The following KCNT1 variants were observed in gnomAD, a reference collection of about 807,000 sequenced individuals.
KCNT1 encodes the protein potassium channel subfamily T member 1.
In KCNT1, 78 loss-of-function variants were observed where a neutral mutation model predicts 147.8. The ratio of observed to expected loss-of-function variants is 0.53; its 90% confidence interval spans 0.44 to 0.64. The LOEUF (loss-of-function observed/expected upper bound fraction) is 0.64. Among genes scored for constraint, KCNT1 ranks in the 30% least tolerant of loss-of-function variants. The probability of loss-of-function intolerance (pLI) is 0.00; values close to 1 mark genes in which losing one functional copy is unlikely to be tolerated. For missense variants in KCNT1, 1,419 were observed against 1,750.3 expected (o/e 0.81, Z 3.38); for synonymous variants, 867 against 748.8 (o/e 1.16, Z -2.58).
rs925148475 is a variant in KCNT1, at chr9:135,753,972, A to G, written c.470A>G (p.Asp157Gly). Residue 157 changes from aspartate to glycine, a missense_variant, in exon 5 of 31, where the codon GAC (aspartate) becomes GGC (glycine). By Grantham distance (94) the Asp-to-Gly change is moderately conservative. This residue lies in a region of KCNT1 where 401 missense variants were observed against 610.6 expected (regional missense o/e 0.66). Coordinates refer to ENST00000371757, the MANE Select transcript of KCNT1 (RefSeq NM_020822.3). The stretch of plus-strand genomic sequence containing the variant: ...CCAAAGCAGAACTACTCCTTCAATG[A>G]CTCGTCCTCCGAGATCAACTGGTGA... ...GCPKQNYSFN[D>G]SSSEINWAPI... 4 of 1,613,692 alleles carry G rather than the reference A, an allele frequency of 2.5e-6. No homozygotes were observed. Among genetic ancestry groups the G allele is most frequent in the Non-Finnish European group, 3.4e-6 (4 of 1,179,902 alleles).
At chr9:135,708,031 T>C (rs1003667983) in intron 1 of KCNT1, among the ~76,000 whole-genome samples, 2 of 152,198 alleles carry the variant, frequency 1.3e-5, no homozygotes, top group Non-Finnish European at 2.9e-5. Context: ...TTTTTAATCA[T>C]CGTGCAAAGG....
In KCNT1 at chr9:135,715,932, T is replaced by C. The variant is rs548879675; in HGVS notation, c.254+1212T>C. 2.2e-4 allele frequency among the ~76,000 whole-genome samples: 34 copies of C among 152,316 alleles called. No individual in the cohort carries two copies. The South Asian group carries it at 3.9e-3, about 18-fold the overall frequency. On this transcript the variant is annotated intron_variant, in intron 2 of 30. Coordinates refer to ENST00000371757, the MANE Select transcript of KCNT1 (RefSeq NM_020822.3). ...AGTGAGCGTCCTGCAGAGAGGCCTTTTAAACTTGGTTTTTCATCTTGTTGA... is the reference window on the plus strand; with the variant it reads ...AGTGAGCGTCCTGCAGAGAGGCCTTCTAAACTTGGTTTTTCATCTTGTTGA...
At chr9:135,766,024 A>G (rs1832250804) in intron 13 of KCNT1, among the ~76,000 whole-genome samples, 1 of 149,976 alleles carries the variant, frequency 6.7e-6, no homozygotes, top group South Asian at 2.1e-4. Flanking sequence ...AGGGTGGATC[A>G]TCTGGAGTGA....
At chr9:135,787,601 A>ACTGGG (rs1307199234) in intron 29 of KCNT1, among the ~76,000 whole-genome samples, 2 of 152,234 alleles carry the variant, frequency 1.3e-5, no homozygotes, top group East Asian at 1.9e-4. Context: ...CTCACGGGTG[A>ACTGGG]CTGGGCTGGG....
In KCNT1 at chr9:135,777,331, C is replaced by G. The variant is rs1163903108; in HGVS notation, c.2350-7C>G. ...ACTCCAGCCCTGACTCCAGCATCTG[C>G]CCCCAGGGCTGCAAGCACAACAGCT... On this transcript the variant is annotated splice_polypyrimidine_tract_variant and splice_region_variant and intron_variant, in intron 20 of 30. Transcript: ENST00000371757. The G allele has an allele frequency of 6.2e-7, 1 of 1,611,436 alleles. No homozygotes were observed. The highest frequency in any genetic ancestry group is 1.1e-5 in the South Asian group (1 of 90,622).
intron 20 of KCNT1, among the ~76,000 whole-genome samples, chr9:135,775,816 C>T (rs1232978425): frequency 2.6e-5 from 4 of 152,180 alleles, no homozygotes; most frequent in African/African-American, 7.2e-5. Context: ...CAGATTGGGC[C>T]GAGGGCCCCG....
intron 2 of KCNT1, among the ~76,000 whole-genome samples, chr9:135,739,168 G>A (rs1366171793): frequency 6.6e-6 from 1 of 152,082 alleles, no homozygotes; most frequent in Non-Finnish European, 1.5e-5. Flanking sequence ...TGGGCAGGGG[G>A]CCCATGCTGA....
At position 135,771,200 on chromosome 9, in the gene KCNT1, A is replaced by G. The variant is rs1295829225; in HGVS notation, c.2008+105A>G. ...GGTGGGATGGGAGACCAGGCAGGACAGGGGGAGGTGACCAGGTGGGACAGG... is the reference window on the plus strand; with the variant it reads ...GGTGGGATGGGAGACCAGGCAGGACGGGGGGAGGTGACCAGGTGGGACAGG... On this transcript the variant is annotated intron_variant, in intron 18 of 30. Transcript: ENST00000371757. 5.7e-6 allele frequency: 6 copies of G among 1,058,966 alleles called. No homozygotes were observed. In the East Asian group the frequency reaches 7.6e-5, roughly 13 times the overall value. The allele number at this position is 1,058,966 out of a possible 1,614,324, so 65.6% of individuals were successfully genotyped here.
Position 135,761,985 on chromosome 9 carries a change from G to A in KCNT1, c.1035+2126G>A, listed in dbSNP as rs572519875. ...AAGCAGGAGCGAAGCGCTCTCTCCCGTGCTTCTCACGAGACCGTGGCACCC... is the reference window on the plus strand; with the variant it reads ...AAGCAGGAGCGAAGCGCTCTCTCCCATGCTTCTCACGAGACCGTGGCACCC... On this transcript the variant is annotated intron_variant, in intron 11 of 30. Coordinates refer to ENST00000371757, the MANE Select transcript of KCNT1 (RefSeq NM_020822.3). Among the ~76,000 whole-genome samples the A allele has an allele frequency of 3.6e-4, 55 of 152,220 alleles. 1 individual carries two copies. The South Asian group carries it at 0.011, about 30-fold the overall frequency.
intron 29 of KCNT1, chr9:135,788,903 T>G (rs1834279700): frequency 6.6e-6 from 1 of 152,248 alleles, no homozygotes. Context: ...CTGCCACACC[T>G]CCCTACAGGG....
At chr9:135,772,030 G>A (rs1326889483) in intron 18 of KCNT1, among the ~76,000 whole-genome samples, 5 of 152,178 alleles carry the variant, frequency 3.3e-5, no homozygotes, top group African/African-American at 9.6e-5. Flanking sequence ...ACGTGCCGAT[G>A]CGGAGCCCAC....
intron 2 of KCNT1, among the ~76,000 whole-genome samples, chr9:135,718,862 C>G (rs1014103504): frequency 6.6e-6 from 1 of 152,202 alleles, no homozygotes; most frequent in Non-Finnish European, 1.5e-5. Context: ...GAGAAGAGCT[C>G]GGCGGGCCAT....
Position 135,774,052 on chromosome 9 carries a change from ATGTT to A in KCNT1, c.2243+1104_2243+1107del, listed in dbSNP as rs752223878. On this transcript the variant is annotated intron_variant, in intron 19 of 30. Transcript: ENST00000371757. Reference sequence around the variant, plus strand: ...TGTGTCCGGTGTGTGTGTGTGGTGTATGTTATGTGTGTGGTGTGTGTCCATATGT... The same window carrying A: ...TGTGTCCGGTGTGTGTGTGTGGTGTAATGTGTGTGGTGTGTGTCCATATGT... Among the ~76,000 whole-genome samples, 503 of 149,240 alleles carry A rather than the reference ATGTT, an allele frequency of 3.4e-3. 3 individuals are homozygous for A. Among genetic ancestry groups the A allele is most frequent in the Middle Eastern group, 0.018 (5 of 280 alleles).
chr9:135,777,532 C>T, intron 21 of KCNT1, 22 bp downstream of exon 21: 2 of 1,601,016 alleles, frequency 1.2e-6, no homozygotes, highest in Non-Finnish European at 1.7e-6. Context: ...GGGGCTCAGC[C>T]CACCCCGCCC....
At chr9:135,755,760 C>T (rs1453539140) in intron 6 of KCNT1, among the ~76,000 whole-genome samples, 1 of 150,800 alleles carries the variant, frequency 6.6e-6, no homozygotes, top group Non-Finnish European at 1.5e-5. Flanking sequence ...GACTCAGGGT[C>T]AGTGAGCACT....
chr9:135,718,795 G>A (rs1835815906), intron 2 of KCNT1, among the ~76,000 whole-genome samples: 2 of 152,210 alleles, frequency 1.3e-5, no homozygotes, highest in South Asian at 4.1e-4. Flanking sequence ...GTTTCCCCCG[G>A]GAGTAGAGCC....
intron 2 of KCNT1, among the ~76,000 whole-genome samples, chr9:135,734,943 G>A (rs894514178): frequency 1.4e-4 from 21 of 152,290 alleles, no homozygotes; most frequent in African/African-American, 3.6e-4. Flanking sequence ...GCGGGGCTCC[G>A]CCTGGTCTGT....
intron 1 of KCNT1, among the ~76,000 whole-genome samples, chr9:135,711,795 C>T (rs1319382929): frequency 2.6e-5 from 4 of 152,200 alleles, no homozygotes; most frequent in Non-Finnish European, 5.9e-5. Context: ...TGGGCGCCGG[C>T]CACCCTGGGT....
intron 24 of KCNT1, among the ~76,000 whole-genome samples, chr9:135,779,751 G>A (rs980203976): frequency 5.6e-4 from 86 of 152,370 alleles, no homozygotes; most frequent in African/African-American, 1.6e-3. Flanking sequence ...AGGCCTGGCC[G>A]TATCTGGAGG....
Sources: gnomAD v4.1 joint callset for allele counts (sites outside exome capture counted in the v4.1 genomes callset) on GRCh38, gnomAD v4.1.1 for gene constraint, gnomAD v4.1.1 regional missense constraint, MANE v1.5 for transcripts, NCBI Gene and HGNC (gene_info 2026-07-23, HGNC 2026-07-21) for gene names.